AKR1B10: variants seen among roughly 807,000 people sequenced by gnomAD.
AKR1B10 encodes ARP.
Under a neutral mutation model 38.9 loss-of-function variants are expected in AKR1B10, and 39 were observed. The observed-to-expected ratio is 1.00, with a 90% confidence interval of 0.78 to 1.31. The LOEUF is 1.31. AKR1B10 is among the 50% of genes most tolerant of loss of function. The pLI, the probability that AKR1B10 is intolerant of heterozygous loss-of-function variation, is 0.00. For synonymous variants in AKR1B10, 148 were observed against 141.2 expected (o/e 1.05, Z -0.34); for missense variants, 361 against 382.6 (o/e 0.94, Z 0.47).
rs200199766 is a variant in AKR1B10, at chr7:134,530,600, TA to T, written c.67-35del. 5.0e-5 allele frequency: 80 copies of T among 1,607,394 alleles called. 1 individual carries two copies. The Admixed American group carries it at 1.1e-3, about 23-fold the overall frequency. On this transcript the variant is annotated intron_variant, in intron 1 of 9. Transcript: ENST00000359579. ...GGCAACACGGCAGGGCCCCATCTCT[TA>T]AAAAAAACACATATGTGATGAGCTT...
intron 4 of AKR1B10, among the ~76,000 whole-genome samples, chr7:134,536,418 C>T (rs1419022801): frequency 1.3e-5 from 2 of 152,142 alleles, no homozygotes; most frequent in Admixed American, 6.5e-5. Flanking sequence ...GTGGCAAGAA[C>T]ATAAAATCTT....
Position 134,536,677 on chromosome 7 carries a change from C to T in AKR1B10, c.457C>T (p.Leu153=). 6.2e-7 allele frequency: 1 copy of T among 1,613,874 alleles called. No individual in the cohort carries two copies. The highest frequency in any genetic ancestry group is 8.5e-7 in the Non-Finnish European group (1 of 1,179,810). ...CATGGAGGAGCTGGTGGATGAGGGGCTGGTGAAAGCCCTTGGGGTCTCCAA... is the reference window on the plus strand; with the variant it reads ...CATGGAGGAGCTGGTGGATGAGGGGTTGGTGAAAGCCCTTGGGGTCTCCAA... ...EAMEELVDEG[L]VKALGVSNFS... Residue 153 remains leucine (L), a synonymous_variant, in exon 5 of 10, where the codon CTG becomes TTG. Coordinates refer to ENST00000359579, the MANE Select transcript of AKR1B10 (RefSeq NM_020299.5).
intron 3 of AKR1B10, 128 bp downstream of exon 3, chr7:134,532,152 G>A: frequency 2.6e-6 from 3 of 1,173,688 alleles, no homozygotes; most frequent in East Asian, 4.7e-5. Flanking sequence ...GGAATGGCAG[G>A]TGGTCAGGAA....
At chr7:134,530,940 G>C in intron 2 of AKR1B10, 130 bp downstream of exon 2, 1 of 1,280,954 alleles carries the variant, frequency 7.8e-7, no homozygotes, top group East Asian at 2.4e-5. Flanking sequence ...GATAACATCC[G>C]TGAATACAAC....
At position 134,538,949 on chromosome 7, in the gene AKR1B10, AT is replaced by A; in HGVS notation, c.842del (p.Leu281Ter). The stretch of plus-strand genomic sequence containing the variant: ...TACCTTTCCAGGTCTTTGACTTTAA[AT>A]TGAGTGATGAGGAGATGGCAACCAT... The part of the protein sequence containing the change: ...VENIQVFDFK[L>X]SDEEMATILS... On this transcript the variant is annotated frameshift_variant, in exon 9 of 10. Coordinates refer to ENST00000359579, the MANE Select transcript of AKR1B10 (RefSeq NM_020299.5). LOFTEE classifies it high-confidence loss of function. 1 of 1,614,032 alleles carries A rather than the reference AT, an allele frequency of 6.2e-7. No individual in the cohort carries two copies. The highest frequency in any genetic ancestry group is 8.5e-7 in the Non-Finnish European group (1 of 1,179,978).
intron 3 of AKR1B10, among the ~76,000 whole-genome samples, chr7:134,532,335 A>T (rs186134862): frequency 6.6e-6 from 1 of 152,154 alleles, no homozygotes; most frequent in Non-Finnish European, 1.5e-5. Flanking sequence ...TCCACGCCCC[A>T]GGGTTGCCCT....
At chr7:134,538,324 G>A (rs1808067104) in intron 8 of AKR1B10, 47 bp downstream of exon 8, 3 of 1,549,520 alleles carry the variant, frequency 1.9e-6, no homozygotes, top group South Asian at 1.1e-5. Context: ...TGGAGTGGGG[G>A]ACAGGCAGAC....
intron 4 of AKR1B10, 93 bp from the exon 5 acceptor site, chr7:134,536,557 C>T: frequency 6.5e-7 from 1 of 1,532,836 alleles, no homozygotes; most frequent in South Asian, 1.3e-5. Flanking sequence ...ACGGTGGATC[C>T]TTTAGCAATT....
intron 1 of AKR1B10, among the ~76,000 whole-genome samples, chr7:134,529,336 C>T (rs1807785476): frequency 6.6e-6 from 1 of 152,160 alleles, no homozygotes; most frequent in South Asian, 2.1e-4. Context: ...AAGATTTGCC[C>T]AAAATCAGAC....
At chr7:134,535,198 C>T (rs867666784) in intron 4 of AKR1B10, among the ~76,000 whole-genome samples, 1 of 152,072 alleles carries the variant, frequency 6.6e-6, no homozygotes, top group African/African-American at 2.4e-5. Flanking sequence ...GGATGGTCTC[C>T]AACACCTGGC....
In AKR1B10 at chr7:134,530,796, T is replaced by A; in HGVS notation, c.220T>A (p.Phe74Ile). 1.9e-6 allele frequency: 3 copies of A among 1,612,436 alleles called. No homozygotes were observed. The highest frequency in any genetic ancestry group is 2.5e-6 in the Non-Finnish European group (3 of 1,179,164). ...GAAGGCTGTGAAGCGGGAGGACCTG[T>A]TCATCGTCAGCAAGGTGCAATGGTG... ...QEKAVKREDL[F>I]IVSKLWPTFF... Residue 74 changes from phenylalanine (F) to isoleucine (I), a missense_variant, in exon 2 of 10, where the codon TTC becomes ATC. By Grantham distance (21) the Phe-to-Ile change is conservative. Around this residue, in one of 3 missense-constraint regions of AKR1B10, gnomAD observed 220 missense variants for 216.1 expected, o/e 1.02. Coordinates refer to ENST00000359579, the MANE Select transcript of AKR1B10 (RefSeq NM_020299.5).
At chr7:134,530,443 C>T (rs1445458401) in intron 1 of AKR1B10, among the ~76,000 whole-genome samples, 200 bp from the exon 2 acceptor site, 2 of 152,166 alleles carry the variant, frequency 1.3e-5, no homozygotes, top group Non-Finnish European at 2.9e-5. Flanking sequence ...TTTGGAGAAA[C>T]TGGGCCTTGT....
In AKR1B10 at chr7:134,541,116, AG is replaced by A; in HGVS notation, c.*29del. ...GTTGAATCTCCTGGTGAGATTATAC[AG>A]GAGATTCTCTTTCTTCGCTGAAGTG... is the stretch of plus-strand genomic sequence containing the variant. On this transcript the variant is annotated 3_prime_UTR_variant, in exon 10 of 10. Coordinates refer to ENST00000359579, the MANE Select transcript of AKR1B10 (RefSeq NM_020299.5). The A allele has an allele frequency of 6.6e-7, 1 of 1,519,376 alleles. No homozygotes were observed. Among genetic ancestry groups the A allele is most frequent in the Non-Finnish European group, 9.1e-7 (1 of 1,098,786 alleles). 94.1% of individuals were successfully genotyped at this position (1,519,376 alleles called of 1,614,324 possible).
At chr7:134,529,291 C>T (rs974402211) in intron 1 of AKR1B10, among the ~76,000 whole-genome samples, 2 of 152,190 alleles carry the variant, frequency 1.3e-5, no homozygotes, top group African/African-American at 4.8e-5. Context: ...TCACTTCCAG[C>T]TTGATTCATG....
At chr7:134,533,978 G>A (rs998217924) in intron 4 of AKR1B10, among the ~76,000 whole-genome samples, 1 of 152,168 alleles carries the variant, frequency 6.6e-6, no homozygotes, top group African/African-American at 2.4e-5. Context: ...AGGTGTGCAT[G>A]TAGTTGCGAG....
Position 134,530,729 on chromosome 7 carries a change from T to C in AKR1B10, c.153T>C (p.Asn51=). ...RHIDCAYVYQ[N]EHEVGEAIQE... is the part of the protein sequence containing the mutation. Reference sequence around the variant, plus strand: ...TTGACTGTGCCTATGTCTATCAGAATGAACATGAAGTGGGGGAAGCCATCC... The same window carrying C: ...TTGACTGTGCCTATGTCTATCAGAACGAACATGAAGTGGGGGAAGCCATCC... Residue 51 remains asparagine, a synonymous_variant, in exon 2 of 10, where the codon AAT becomes AAC. Transcript: ENST00000359579. 6.2e-7 allele frequency: 1 copy of C among 1,614,058 alleles called. No individual in the cohort carries two copies. Among genetic ancestry groups the C allele is most frequent in the Non-Finnish European group, 8.5e-7 (1 of 1,179,966 alleles).
intron 9 of AKR1B10, among the ~76,000 whole-genome samples, chr7:134,539,683 C>T (rs563305644): frequency 2.0e-5 from 3 of 152,258 alleles, no homozygotes; most frequent in East Asian, 1.9e-4. Flanking sequence ...ATTAAATCAT[C>T]TCCAAATGCC....
intron 4 of AKR1B10, among the ~76,000 whole-genome samples, chr7:134,534,929 A>T (rs1174162794): frequency 6.6e-6 from 1 of 152,192 alleles, no homozygotes; most frequent in Non-Finnish European, 1.5e-5. Flanking sequence ...CCCAACGTCT[A>T]GGCTACAACT....
intron 2 of AKR1B10, 142 bp downstream of exon 2, chr7:134,530,952 C>A: frequency 8.3e-7 from 1 of 1,200,020 alleles, no homozygotes; most frequent in Non-Finnish European, 1.2e-6. Context: ...GAATACAACA[C>A]TATCCATACT....
Sources: allele counts gnomAD v4.1 joint callset (sites outside exome capture counted in the v4.1 genomes callset), GRCh38; gene constraint gnomAD v4.1.1; regional missense constraint gnomAD v4.1.1; transcripts MANE v1.5; gene names NCBI Gene and HGNC (gene_info 2026-07-23, HGNC 2026-07-21).